RBPJ: variants seen among roughly 807,000 people sequenced by gnomAD.
RBPJ encodes the protein recombination signal binding protein for immunoglobulin kappa J region.
In RBPJ, 9 loss-of-function variants were observed where a neutral mutation model predicts 67.8. The observed-to-expected ratio is 0.13, with a 90% confidence interval of 0.08 to 0.23. The LOEUF (loss-of-function observed/expected upper bound fraction) is 0.23, where lower values mean the gene tolerates loss of function less well. RBPJ is among the 10% of genes least tolerant of loss of function. The probability of loss-of-function intolerance (pLI) is 1.00; values close to 1 mark genes in which losing one functional copy is unlikely to be tolerated. For synonymous variants in RBPJ, 198 were observed against 203.3 expected, an observed-to-expected ratio of 0.97 and a Z score of 0.22; for missense variants, 305 against 595.6, an observed-to-expected ratio of 0.51 and a Z score of 5.08.
upstream of RBPJ, among the ~76,000 whole-genome samples, chr4:26,316,728 C>T (rs948624138): frequency 3.6e-5 from 5 of 138,194 alleles, no homozygotes; most frequent in Non-Finnish European, 6.2e-5. Context: ...CACACATATC[C>T]GGCTAGTGGT....
chr4:26,198,491 T>G (rs1310489704), intron 1 of RBPJ, among the ~76,000 whole-genome samples: 1 of 152,192 alleles, frequency 6.6e-6, no homozygotes, highest in Admixed American at 6.5e-5. Context: ...TTTACATATT[T>G]TATACATTAA....
chr4:26,293,753 A>G (rs1045289763), intron 1 of RBPJ, among the ~76,000 whole-genome samples: 1 of 137,654 alleles, frequency 7.3e-6, no homozygotes, highest in African/African-American at 2.7e-5. Context: ...TGTATATGAG[A>G]AGTGTTTTTT....
At chr4:26,124,683 T>C in the RBPJ span, among the ~76,000 whole-genome samples, 1 of 151,968 alleles carries the variant, frequency 6.6e-6, no homozygotes, top group Non-Finnish European at 1.5e-5. Flanking sequence ...ATAGTGATTA[T>C]ACTAGTTTAC....
intron 1 of RBPJ, among the ~76,000 whole-genome samples, chr4:26,192,355 G>A (rs965527716): frequency 6.6e-6 from 1 of 152,116 alleles, no homozygotes; most frequent in African/African-American, 2.4e-5. Context: ...ATTCTTTTGT[G>A]TCTAACTTTT....
chr4:26,141,581 C>T, the RBPJ span, among the ~76,000 whole-genome samples: 1 of 152,210 alleles, frequency 6.6e-6, no homozygotes, highest in African/African-American at 2.4e-5. Flanking sequence ...ATGCATACAA[C>T]GTATGAGGAT....
At chr4:26,263,154 A>G (rs1238871741) in intron 1 of RBPJ, among the ~76,000 whole-genome samples, 1 of 151,536 alleles carries the variant, frequency 6.6e-6, no homozygotes. Flanking sequence ...AGCTAAGCTG[A>G]TGTAACAAAT....
intron 2 of RBPJ, among the ~76,000 whole-genome samples, chr4:26,387,113 A>G (rs545549248): frequency 1.8e-4 from 28 of 152,298 alleles, no homozygotes; most frequent in Admixed American, 7.8e-4. Context: ...TACATCTTCT[A>G]CCTTGATATT....
chr4:26,188,136 G>C (rs1348774940), intron 1 of RBPJ, among the ~76,000 whole-genome samples: 1 of 151,982 alleles, frequency 6.6e-6, no homozygotes, highest in Non-Finnish European at 1.5e-5. Context: ...TTGAACCCAG[G>C]AGGTGAAGGT....
At chr4:26,384,743 AT>A (rs1484440555) in intron 1 of RBPJ, 1 of 151,402 alleles carries the variant, frequency 6.6e-6, no homozygotes, top group African/African-American at 2.4e-5. Context: ...ATTATTGAGT[AT>A]TTACTGTGTT....
At chr4:26,247,375 T>A (rs1397892622) in intron 1 of RBPJ, among the ~76,000 whole-genome samples, 1 of 152,152 alleles carries the variant, frequency 6.6e-6, no homozygotes. Context: ...TCATATAGAT[T>A]CCAATATTTT....
intron 2 of RBPJ, among the ~76,000 whole-genome samples, chr4:26,390,804 C>T (rs1731419972): frequency 6.6e-6 from 1 of 152,130 alleles, no homozygotes; most frequent in Admixed American, 6.5e-5. Flanking sequence ...CCTATAATCC[C>T]AGTACATTGA....
chr4:26,265,211 A>T (rs1365515527), intron 1 of RBPJ, among the ~76,000 whole-genome samples: 1 of 152,336 alleles, frequency 6.6e-6, no homozygotes, highest in East Asian at 1.9e-4. Context: ...AGTCTCTTAG[A>T]TAATTTTTCC....
At chr4:26,205,013 G>A (rs1479961263) in intron 1 of RBPJ, among the ~76,000 whole-genome samples, 5 of 152,152 alleles carry the variant, frequency 3.3e-5, no homozygotes, top group South Asian at 4.1e-4. Flanking sequence ...TGGCCTCGGC[G>A]CCAGGGGCCA....
At chr4:26,267,634 T>G (rs537112796) in intron 1 of RBPJ, among the ~76,000 whole-genome samples, 4 of 152,166 alleles carry the variant, frequency 2.6e-5, no homozygotes, top group Admixed American at 1.3e-4. Flanking sequence ...TTTTTTGAGA[T>G]GGAGTCTCTG....
intron 1 of RBPJ, among the ~76,000 whole-genome samples, chr4:26,305,365 A>G (rs886089995): frequency 2.6e-5 from 4 of 152,190 alleles, no homozygotes; most frequent in Non-Finnish European, 4.4e-5. Flanking sequence ...AAAGTGGCCA[A>G]CTGGGATTTT....
chr4:26,105,858 A>C, the RBPJ span, among the ~76,000 whole-genome samples: 1 of 151,940 alleles, frequency 6.6e-6, no homozygotes, highest in Non-Finnish European at 1.5e-5. Flanking sequence ...TCTCTGCCCC[A>C]AAAAGAGATC....
At chr4:26,273,920 T>C (rs750996004) in intron 1 of RBPJ, among the ~76,000 whole-genome samples, 2 of 152,226 alleles carry the variant, frequency 1.3e-5, no homozygotes, top group Non-Finnish European at 2.9e-5. Flanking sequence ...TTACTTCTCC[T>C]GGAGGTGTCT....
At chr4:26,199,515 G>A (rs764317698) in intron 1 of RBPJ, among the ~76,000 whole-genome samples, 2 of 152,178 alleles carry the variant, frequency 1.3e-5, no homozygotes, top group Non-Finnish European at 2.9e-5. Flanking sequence ...ACAGGACAAC[G>A]CCTCTGTGGG....
chr4:26,382,868 T>G (rs1337038421), intron 1 of RBPJ, among the ~76,000 whole-genome samples: 1 of 152,226 alleles, frequency 6.6e-6, no homozygotes, highest in Admixed American at 6.5e-5. Context: ...ACCTGCCTCA[T>G]TCCTTTTGAG....
Sources: allele counts gnomAD v4.1 joint callset (sites outside exome capture counted in the v4.1 genomes callset), GRCh38; gene constraint gnomAD v4.1.1; transcripts MANE v1.5; gene names NCBI Gene and HGNC (gene_info 2026-07-23, HGNC 2026-07-21).